ARSJ: variants seen among roughly 807,000 people sequenced by gnomAD.
ARSJ encodes arylsulfatase J.
A neutral mutation model predicts 35.9 loss-of-function variants in ARSJ; 26 were observed. The ratio of observed to expected loss-of-function variants is 0.72; its 90% CI spans 0.53 to 1.00. The LOEUF (loss-of-function observed/expected upper bound fraction) is 1.00. ARSJ is among the 50% of genes least tolerant of loss of function. ARSJ has a pLI of 0.00. For synonymous variants in ARSJ, 294 were observed against 267.6 expected, an observed-to-expected ratio of 1.10 and a Z score of -0.96; for missense variants, 667 against 723.6, an observed-to-expected ratio of 0.92 and a Z score of 0.90.
intron 1 of ARSJ, among the ~76,000 whole-genome samples, chr4:113,969,455 G>A (rs1727105759): frequency 6.6e-6 from 1 of 151,930 alleles, no homozygotes; most frequent in East Asian, 1.9e-4. Flanking sequence ...TTCTTGTAAG[G>A]TTTTTATATG....
chr4:113,920,445 A>G (rs1723596931), intron 1 of ARSJ, among the ~76,000 whole-genome samples: 1 of 152,206 alleles, frequency 6.6e-6, no homozygotes, highest in African/African-American at 2.4e-5. Flanking sequence ...CTAAAGAAAC[A>G]TACCAGTCAA....
chr4:113,945,542 T>C (rs1182929047), intron 1 of ARSJ, among the ~76,000 whole-genome samples: 2 of 152,104 alleles, frequency 1.3e-5, no homozygotes, highest in Non-Finnish European at 2.9e-5. Flanking sequence ...GGTAGAGTTA[T>C]GGATAATATT....
intron 1 of ARSJ, among the ~76,000 whole-genome samples, chr4:113,943,800 C>G (rs1037343516): frequency 6.6e-6 from 1 of 151,800 alleles, no homozygotes; most frequent in African/African-American, 2.4e-5. Flanking sequence ...GGATCCTGAG[C>G]TGGGAATCAG....
chr4:113,948,612 G>A (rs1725654611), intron 1 of ARSJ, among the ~76,000 whole-genome samples: 1 of 151,800 alleles, frequency 6.6e-6, no homozygotes, highest in South Asian at 2.1e-4. Context: ...TGTTATCATT[G>A]GTCTTGAGTC....
At chr4:113,972,626 C>T (rs1727345312) in intron 1 of ARSJ, among the ~76,000 whole-genome samples, 1 of 152,186 alleles carries the variant, frequency 6.6e-6, no homozygotes, top group Non-Finnish European at 1.5e-5. Flanking sequence ...CCTCCCACCT[C>T]AGCCTCCCTA....
chr4:113,960,516 A>C (rs942270838), intron 1 of ARSJ, among the ~76,000 whole-genome samples: 1 of 152,070 alleles, frequency 6.6e-6, no homozygotes, highest in Non-Finnish European at 1.5e-5. Flanking sequence ...CCTCAACTTT[A>C]ATAGCTATAA....
intron 1 of ARSJ, chr4:113,971,040 A>G (rs1036625945): frequency 4.9e-5 from 7 of 143,008 alleles, no homozygotes; most frequent in African/African-American, 1.8e-4. Context: ...TATTTTTATT[A>G]TTTTTTTTAC....
intron 1 of ARSJ, among the ~76,000 whole-genome samples, chr4:113,954,983 A>G (rs765594902): frequency 1.4e-4 from 20 of 144,146 alleles, no homozygotes; most frequent in Non-Finnish European, 2.3e-4. Flanking sequence ...CTCTCAATTT[A>G]TTGACTTTTC....
chr4:113,940,430 G>A lies in ARSJ; in HGVS notation c.399-36755C>T, dbSNP rs190942766. On this transcript the variant is annotated intron_variant, in intron 1 of 1. Transcript: ENST00000315366. ...TGCATGTTCTCACTTACAAGTGGGA[G>A]CTGAACAATAGGAACACATGAACAT... is the stretch of plus-strand genomic sequence containing the variant. Among the ~76,000 whole-genome samples, 77 of 152,148 alleles carry A rather than the reference G, an allele frequency of 5.1e-4. 1 individual carries two copies. The highest frequency in any genetic ancestry group is 1.5e-3 in the African/African-American group (64 of 41,542).
chr4:113,915,315 C>T (rs529600984), intron 1 of ARSJ, among the ~76,000 whole-genome samples: 6 of 151,950 alleles, frequency 3.9e-5, no homozygotes, highest in South Asian at 2.1e-4. Flanking sequence ...TTATTAATGG[C>T]GGTATTATTA....
chr4:113,939,887 T>G (rs991749569), intron 1 of ARSJ, among the ~76,000 whole-genome samples: 1 of 152,126 alleles, frequency 6.6e-6, no homozygotes, highest in Non-Finnish European at 1.5e-5. Flanking sequence ...TTCACTCTGA[T>G]GGTAGTTTCT....
intron 1 of ARSJ, among the ~76,000 whole-genome samples, chr4:113,966,105 GA>G (rs1726877320): frequency 6.6e-6 from 1 of 151,660 alleles, no homozygotes; most frequent in African/African-American, 2.4e-5. Context: ...TTCAATTATA[GA>G]ATAGATAATT....
At chr4:113,924,076 AATATATATATATATAT>A (rs1164333093) in intron 1 of ARSJ, among the ~76,000 whole-genome samples, 11 of 95,714 alleles carry the variant, frequency 1.1e-4, no homozygotes, top group African/African-American at 5.3e-4. Flanking sequence ...AATATATATA[AATATATATATATATAT>A]ATATATATAT....
At chr4:113,966,205 G>A (rs557877876) in intron 1 of ARSJ, among the ~76,000 whole-genome samples, 1 of 152,102 alleles carries the variant, frequency 6.6e-6, no homozygotes, top group Non-Finnish European at 1.5e-5. Context: ...AATTGAAATG[G>A]AGTTAGTATA....
chr4:113,926,556 A>G (rs1724079219), intron 1 of ARSJ, among the ~76,000 whole-genome samples: 1 of 151,984 alleles, frequency 6.6e-6, no homozygotes, highest in Non-Finnish European at 1.5e-5. Flanking sequence ...ATGCTGGGGG[A>G]GGTAGGAGGA....
chr4:113,948,137 C>T (rs755412784), intron 1 of ARSJ, among the ~76,000 whole-genome samples: 1 of 151,880 alleles, frequency 6.6e-6, no homozygotes, highest in Non-Finnish European at 1.5e-5. Flanking sequence ...TGCAGCCAGC[C>T]GAGATTGTGC....
Position 113,903,058 on chromosome 4 carries a change from C to A in ARSJ, c.1016G>T (p.Trp339Leu). ...TGTTCCTTTGCTACCTCTGAGAGGC[C>A]AGTTACTCCCTCCTGCCGTAGGCTG... ...GGQPTAGGSN[W>L]PLRGSKGTYW... is the part of the protein sequence containing the mutation. The change falls in exon 2 of 2, where the codon TGG becomes TTG. Residue 339 changes from tryptophan to leucine, a missense_variant. Trp to Leu is a moderately conservative substitution (Grantham distance 61). Transcript: ENST00000315366. 6.2e-7 allele frequency: 1 copy of A among 1,614,156 alleles called. No individual in the cohort carries two copies. The highest frequency in any genetic ancestry group is 1.1e-5 in the South Asian group (1 of 91,070).
Position 113,959,325 on chromosome 4 carries a change from C to G in ARSJ, c.398+19112G>C, listed in dbSNP as rs573252549. 1.3e-3 allele frequency among the ~76,000 whole-genome samples: 194 copies of G among 152,070 alleles called. 1 individual carries two copies. Among genetic ancestry groups the G allele is most frequent in the African/African-American group, 4.4e-3 (183 of 41,530 alleles). On this transcript the variant is annotated intron_variant, in intron 1 of 1. Coordinates refer to ENST00000315366, the MANE Select transcript of ARSJ (RefSeq NM_024590.4). ...CATGACATTTCCTTTCAAAAATTTT[C>G]TGTTTAATGTTTCAAATGCACACAC...
At position 113,903,236 on chromosome 4, in the gene ARSJ, C is replaced by A; in HGVS notation, c.838G>T (p.Glu280Ter). 1 of 1,614,076 alleles carries A rather than the reference C, an allele frequency of 6.2e-7. No homozygotes were observed. The highest frequency in any genetic ancestry group is 8.5e-7 in the Non-Finnish European group (1 of 1,180,028). ...ATGTTGATAATGGATCGGTAGTGTT[C>A]GAAATACCTGCCAGGAGCTTGCAGT... ...SPLQAPGRYF[E>*]HYRSIININR... is the part of the protein sequence containing the mutation. Residue 280 changes from glutamate to a stop codon, truncating the protein, a stop_gained, in exon 2 of 2, where the codon GAA becomes TAA. Coordinates refer to ENST00000315366, the MANE Select transcript of ARSJ (RefSeq NM_024590.4). LOFTEE classifies it high-confidence loss of function.
Sources: allele counts gnomAD v4.1 joint callset (sites outside exome capture counted in the v4.1 genomes callset), GRCh38; gene constraint gnomAD v4.1.1; transcripts MANE v1.5; gene names NCBI Gene and HGNC (gene_info 2026-07-23, HGNC 2026-07-21).